DLEU7: variants seen among roughly 807,000 people sequenced by gnomAD.
DLEU7 encodes the protein deleted in lymphocytic leukemia 7, also known as leukemia-associated protein 7.
A neutral mutation model predicts 16.0 loss-of-function variants in DLEU7; 17 were observed. That is an observed-to-expected ratio of 1.06 (90% CI 0.73 to 1.59). The LOEUF is 1.59. DLEU7 is among the 40% of genes most tolerant of loss of function. The pLI is 0.00. For synonymous variants in DLEU7, 113 were observed against 139.8 expected (o/e 0.81, Z 1.35); for missense variants, 308 against 314.9 (o/e 0.98, Z 0.17).
intron 1 of DLEU7, among the ~76,000 whole-genome samples, chr13:50,756,381 G>A (rs1874758897): frequency 1.3e-5 from 2 of 152,160 alleles, no homozygotes; most frequent in Non-Finnish European, 2.9e-5. Context: ...TCCTTCGATG[G>A]GTCTTGCTGT....
At chr13:50,827,553 G>A (rs1052560656) in intron 1 of DLEU7, among the ~76,000 whole-genome samples, 4 of 151,992 alleles carry the variant, frequency 2.6e-5, no homozygotes, top group African/African-American at 9.7e-5. Flanking sequence ...GGGCAAGAGG[G>A]CATGCACCTG....
intron 1 of DLEU7, among the ~76,000 whole-genome samples, chr13:50,776,208 T>C (rs539471399): frequency 3.3e-5 from 5 of 152,222 alleles, no homozygotes; most frequent in African/African-American, 9.6e-5. Flanking sequence ...GATGGTATCA[T>C]TGTATGTTTG....
chr13:50,806,205 G>T (rs1456435359), intron 1 of DLEU7, among the ~76,000 whole-genome samples: 3 of 151,880 alleles, frequency 2.0e-5, no homozygotes, highest in Admixed American at 1.3e-4. Flanking sequence ...TGTTTTTCTT[G>T]ATTCCCTTGA....
rs1054513373 is a variant in DLEU7, at chr13:50,745,201, G to A, written c.460-31961C>T. On this transcript the variant is annotated intron_variant, in intron 1 of 1. Transcript: ENST00000400393. ...CAGATGAATGAATAAACAAAATGTG[G>A]CATATACATAAAAAGTGATATTATT... is the stretch of plus-strand genomic sequence containing the variant. 1.3e-4 allele frequency among the ~76,000 whole-genome samples: 20 copies of A among 152,236 alleles called. No individual in the cohort carries two copies. The East Asian group carries it at 3.5e-3, about 26-fold the overall frequency.
At chr13:50,841,189 GCAAGA>G (rs1264230290) in intron 1 of DLEU7, among the ~76,000 whole-genome samples, 1 of 152,032 alleles carries the variant, frequency 6.6e-6, no homozygotes, top group African/African-American at 2.4e-5. Context: ...CCCTCTGCTT[GCAAGA>G]CAATCCAAGG....
rs1874166882 is a variant in DLEU7 at position 50,738,979 on chromosome 13, A to ACACACACG, written c.460-25740_460-25739insCGTGTGTG. On this transcript the variant is annotated intron_variant, in intron 1 of 1. Coordinates refer to the DLEU7 transcript ENST00000400393. ...AAAAATAATACACACACACACACAC[A>ACACACACG]CACACACACACACACACACACACAC... Among the ~76,000 whole-genome samples, 4 of 123,560 alleles carry ACACACACG rather than the reference A, an allele frequency of 3.2e-5. No homozygotes were observed. In the South Asian group the frequency reaches 8.9e-4, roughly 28 times the overall value. 81.1% of individuals were successfully genotyped at this position (123,560 alleles called of 152,430 possible). A position where few individuals can be genotyped will look rare whatever the true frequency, so the allele number is the denominator to read the frequency against.
intron 1 of DLEU7, among the ~76,000 whole-genome samples, chr13:50,727,926 G>GT (rs1211361596): frequency 2.0e-5 from 3 of 152,250 alleles, no homozygotes; most frequent in Non-Finnish European, 4.4e-5. Context: ...ATCACTGCAG[G>GT]TAAGTCACCT....
chr13:50,801,496 G>C (rs1459218777), intron 1 of DLEU7, among the ~76,000 whole-genome samples: 1 of 152,126 alleles, frequency 6.6e-6, no homozygotes, highest in East Asian at 1.9e-4. Flanking sequence ...GTTAAGGCAA[G>C]AGATTGACGA....
chr13:50,723,917 A>G (rs1191466615), intron 1 of DLEU7, among the ~76,000 whole-genome samples: 3 of 152,054 alleles, frequency 2.0e-5, no homozygotes, highest in Non-Finnish European at 2.9e-5. Flanking sequence ...AAAGTCTCCA[A>G]GATAATGAAC....
chr13:50,742,966 T>C (rs974384584), intron 1 of DLEU7, among the ~76,000 whole-genome samples: 1 of 152,104 alleles, frequency 6.6e-6, no homozygotes. Flanking sequence ...TTCAGGGCAA[T>C]ACAGGATGCA....
At chr13:50,799,629 G>A (rs1312397093) in intron 1 of DLEU7, among the ~76,000 whole-genome samples, 2 of 152,084 alleles carry the variant, frequency 1.3e-5, no homozygotes, top group Non-Finnish European at 2.9e-5. Flanking sequence ...AGCAGGTCTC[G>A]GGCACATGCA....
At chr13:50,792,209 G>T (rs1015977310) in intron 1 of DLEU7, among the ~76,000 whole-genome samples, 2 of 152,172 alleles carry the variant, frequency 1.3e-5, no homozygotes, top group African/African-American at 4.8e-5. Context: ...AGTATTTTGT[G>T]TCAAATCAGT....
At chr13:50,761,703 A>G (rs899116796) in intron 1 of DLEU7, among the ~76,000 whole-genome samples, 8 of 152,132 alleles carry the variant, frequency 5.3e-5, no homozygotes, top group African/African-American at 1.9e-4. Context: ...ATGGGCCCCA[A>G]TCTGACTGCC....
chr13:50,731,794 GTCCC>G (rs1873919180), intron 1 of DLEU7, among the ~76,000 whole-genome samples: 6 of 152,088 alleles, frequency 3.9e-5, no homozygotes, highest in Admixed American at 2.0e-4. Flanking sequence ...CTGAATACAA[GTCCC>G]TCCCAATTAC....
exon 2 of DLEU7, chr13:50,712,036 G>C (rs1873309942): frequency 6.6e-6 from 1 of 152,082 alleles, no homozygotes; most frequent in South Asian, 2.1e-4. Flanking sequence ...TTTAACTGTA[G>C]GGAGACCTGA....
intron 1 of DLEU7, among the ~76,000 whole-genome samples, chr13:50,757,836 G>T (rs976819080): frequency 6.6e-6 from 1 of 152,172 alleles, no homozygotes; most frequent in African/African-American, 2.4e-5. Context: ...ACTTTCCAGG[G>T]CTAACCAGCT....
chr13:50,724,563 G>T (rs994046882), intron 1 of DLEU7, among the ~76,000 whole-genome samples: 13 of 152,174 alleles, frequency 8.5e-5, no homozygotes, highest in South Asian at 2.1e-4. Context: ...CCCAAACAAG[G>T]TGAAAGTGAA....
At chr13:50,729,448 G>A (rs1035033892) in intron 1 of DLEU7, among the ~76,000 whole-genome samples, 7 of 152,104 alleles carry the variant, frequency 4.6e-5, no homozygotes, top group Admixed American at 4.6e-4. Flanking sequence ...GGCACCTAGG[G>A]TGACCCCATG....
chr13:50,733,980 G>A lies in DLEU7; in HGVS notation c.460-20740C>T, dbSNP rs139430678. Among the ~76,000 whole-genome samples, 59 of 152,238 alleles carry A rather than the reference G, an allele frequency of 3.9e-4. 1 individual carries two copies. Among genetic ancestry groups the A allele is most frequent in the Non-Finnish European group, 7.5e-4 (51 of 68,010 alleles). On this transcript the variant is annotated intron_variant, in intron 1 of 1. Coordinates refer to the DLEU7 transcript ENST00000400393. ...GCTGAAAGCTCCAAGCTGTATTACC[G>A]CACTCTCTGGCTTCATTGATGTGCA...
Sources: gnomAD v4.1 joint callset for allele counts (sites outside exome capture counted in the v4.1 genomes callset) on GRCh38, gnomAD v4.1.1 for gene constraint, MANE v1.5 for transcripts, NCBI Gene and HGNC (gene_info 2026-07-23, HGNC 2026-07-21) for gene names.